STEAP1B: variants seen among roughly 807,000 people sequenced by gnomAD.
STEAP1B encodes the protein STEAP family member 1B.
A neutral mutation model predicts 27.9 loss-of-function variants in STEAP1B; 13 were observed. The observed-to-expected ratio is 0.47, with a 90% CI of 0.30 to 0.74. STEAP1B has a LOEUF of 0.74. Among genes scored for constraint, STEAP1B ranks in the 30% least tolerant of loss-of-function variants. The pLI, the probability that STEAP1B is intolerant of heterozygous loss-of-function variation, is 0.06. For missense variants in STEAP1B, 250 were observed against 298.7 expected, an observed-to-expected ratio of 0.84 and a Z score of 1.20; for synonymous variants, 86 against 107.1, an observed-to-expected ratio of 0.80 and a Z score of 1.22.
In STEAP1B at chr7:22,468,547, C is replaced by T. The variant is rs75923224; in HGVS notation, c.762+24018G>A. ...ACACTGCCTACCATTTATCACCTATCAAAACACTTTTGGAAGTGTTTTGAT... is the reference window on the plus strand; with the variant it reads ...ACACTGCCTACCATTTATCACCTATTAAAACACTTTTGGAAGTGTTTTGAT... On this transcript the variant is annotated intron_variant, in intron 4 of 4. Transcript: ENST00000678116. Among the ~76,000 whole-genome samples the T allele has an allele frequency of 3.9e-3, 587 of 152,272 alleles. 4 individuals carry two copies. Among genetic ancestry groups the T allele is most frequent in the African/African-American group, 0.014 (566 of 41,544 alleles).
chr7:22,451,407 G>T (rs1028923800), intron 4 of STEAP1B, among the ~76,000 whole-genome samples: 2 of 152,008 alleles, frequency 1.3e-5, no homozygotes, highest in Admixed American at 6.6e-5. Context: ...TTCTTTATCC[G>T]ATTGCTCTAG....
chr7:22,497,586 AAG>A (rs1317273294), intron 1 of STEAP1B, among the ~76,000 whole-genome samples: 25 of 152,200 alleles, frequency 1.6e-4, no homozygotes, highest in African/African-American at 6.0e-4. Context: ...ACCAACATTA[AAG>A]AGGAAAAATA....
At chr7:22,449,441 C>T (rs1785453384) in intron 4 of STEAP1B, among the ~76,000 whole-genome samples, 1 of 152,184 alleles carries the variant, frequency 6.6e-6, no homozygotes, top group African/African-American at 2.4e-5. Flanking sequence ...ATAATGATCT[C>T]CAGTTACATT....
In STEAP1B at chr7:22,420,709, G is replaced by A. The variant is rs551320910; in HGVS notation, c.763-873C>T. Among the ~76,000 whole-genome samples, 5 of 152,366 alleles carry A rather than the reference G, an allele frequency of 3.3e-5. No individual in the cohort carries two copies. In the East Asian group the frequency reaches 7.7e-4, roughly 23 times the overall value. Reference sequence around the variant, plus strand: ...AGGACTTGAGAGCTTCTCTGAGAAGGAGGGCTCTGCCTCAACCCTTTTTAA... The same window carrying A: ...AGGACTTGAGAGCTTCTCTGAGAAGAAGGGCTCTGCCTCAACCCTTTTTAA... On this transcript the variant is annotated intron_variant, in intron 4 of 4. Coordinates refer to ENST00000678116, the MANE Select transcript of STEAP1B (RefSeq NM_001382447.1).
Position 22,456,972 on chromosome 7 carries a change from A to ATATATATATAT in STEAP1B, c.762+35592_762+35593insATATATATATA. 3.6e-3 allele frequency among the ~76,000 whole-genome samples: 206 copies of ATATATATATAT among 57,054 alleles called. 19 individuals are homozygous for ATATATATATAT. The highest frequency in any genetic ancestry group is 0.014 in the African/African-American group (204 of 14,252). 37.4% of individuals were successfully genotyped at this position (57,054 alleles called of 152,430 possible). On this transcript the variant is annotated intron_variant, in intron 4 of 4. Coordinates refer to ENST00000678116, the MANE Select transcript of STEAP1B (RefSeq NM_001382447.1). ...GGCAGCTATATATATATATATATATATTTTTTTTTTTTTTAAGTATCCTGG... is the reference window on the plus strand; with the variant it reads ...GGCAGCTATATATATATATATATATATATATATATATTTTTTTTTTTTTTTAAGTATCCTGG...
intron 4 of STEAP1B, among the ~76,000 whole-genome samples, chr7:22,480,889 G>A (rs976933872): frequency 5.9e-5 from 9 of 152,204 alleles, no homozygotes; most frequent in Non-Finnish European, 1.3e-4. Context: ...CCTGGCGCAG[G>A]TCCAGCTCTC....
At chr7:22,453,389 C>T (rs1421238306) in intron 4 of STEAP1B, among the ~76,000 whole-genome samples, 2 of 116,218 alleles carry the variant, frequency 1.7e-5, no homozygotes, top group Non-Finnish European at 3.5e-5. Context: ...CAGCATTTCC[C>T]CCTGAACTCT....
chr7:22,473,092 GGAAA>G (rs1785912516), intron 4 of STEAP1B, among the ~76,000 whole-genome samples: 1 of 152,084 alleles, frequency 6.6e-6, no homozygotes, highest in Non-Finnish European at 1.5e-5. Flanking sequence ...GTGGAATTGA[GGAAA>G]GAAAGATGAA....
At chr7:22,470,411 T>A (rs953270709) in intron 4 of STEAP1B, among the ~76,000 whole-genome samples, 2 of 152,210 alleles carry the variant, frequency 1.3e-5, no homozygotes, top group African/African-American at 4.8e-5. Flanking sequence ...TTTATTCAAA[T>A]GAGGGAGAAT....
intron 4 of STEAP1B, among the ~76,000 whole-genome samples, chr7:22,456,972 A>ATATATATATATATAT: frequency 2.1e-4 from 12 of 57,082 alleles, no homozygotes; most frequent in African/African-American, 7.7e-4. Context: ...ATATATATAT[A>ATATATATATATATAT]TTTTTTTTTT....
chr7:22,451,182 G>T (rs1459641805), intron 4 of STEAP1B, among the ~76,000 whole-genome samples: 1 of 132,532 alleles, frequency 7.5e-6, no homozygotes, highest in Non-Finnish European at 1.6e-5. Flanking sequence ...GGGCGACAGA[G>T]ATTCTGTCTC....
chr7:22,448,270 T>C (rs1370771097), intron 4 of STEAP1B, among the ~76,000 whole-genome samples: 1 of 152,242 alleles, frequency 6.6e-6, no homozygotes, highest in African/African-American at 2.4e-5. Context: ...TGTTAATGAA[T>C]GCATTTCTAT....
Position 22,492,741 on chromosome 7 carries a change from T to C in STEAP1B, c.598-12A>G. The C allele has an allele frequency of 6.3e-7, 1 of 1,577,108 alleles. No individual in the cohort carries two copies. The highest frequency in any genetic ancestry group is 1.4e-5 in the African/African-American group (1 of 73,132). On this transcript the variant is annotated splice_polypyrimidine_tract_variant and intron_variant, in intron 3 of 4. Coordinates refer to ENST00000678116, the MANE Select transcript of STEAP1B (RefSeq NM_001382447.1). ...TTATTTTGTTGGACCTACCAGAAGG[T>C]AAATAAAGAAAGAAGAAATGCAAAC... is the stretch of plus-strand genomic sequence containing the variant.
At chr7:22,433,968 C>A (rs995295363) in intron 4 of STEAP1B, among the ~76,000 whole-genome samples, 1 of 152,190 alleles carries the variant, frequency 6.6e-6, no homozygotes, top group Non-Finnish European at 1.5e-5. Flanking sequence ...ATCCATTGGA[C>A]CCATCCTGAC....
At chr7:22,470,104 T>C (rs1256105537) in intron 4 of STEAP1B, among the ~76,000 whole-genome samples, 1 of 152,194 alleles carries the variant, frequency 6.6e-6, no homozygotes. Flanking sequence ...TGCCCATATC[T>C]TGGTTTCTAA....
chr7:22,456,972 A>ATATATATATATATATATATATTTT, intron 4 of STEAP1B, among the ~76,000 whole-genome samples: 1 of 57,046 alleles, frequency 1.8e-5, no homozygotes, highest in South Asian at 1.0e-3. Context: ...ATATATATAT[A>ATATATATATATATATATATATTTT]TTTTTTTTTT....
chr7:22,460,392 G>C (rs1489765331), intron 4 of STEAP1B, among the ~76,000 whole-genome samples: 1 of 152,008 alleles, frequency 6.6e-6, no homozygotes, highest in Non-Finnish European at 1.5e-5. Flanking sequence ...GGGACTGAGG[G>C]AGAGCATTCA....
chr7:22,462,396 A>C lies in STEAP1B; in HGVS notation c.762+30169T>G, dbSNP rs1438317012. 1.2e-3 allele frequency among the ~76,000 whole-genome samples: 128 copies of C among 103,152 alleles called. 1 individual carries two copies. Among genetic ancestry groups the C allele is most frequent in the African/African-American group, 4.4e-3 (117 of 26,432 alleles). 67.7% of individuals were successfully genotyped at this position (103,152 alleles called of 152,430 possible). A position where few individuals can be genotyped will look rare whatever the true frequency, so the allele number is the denominator to read the frequency against. On this transcript the variant is annotated intron_variant, in intron 4 of 4. Coordinates refer to ENST00000678116, the MANE Select transcript of STEAP1B (RefSeq NM_001382447.1). ...TCCCTCCCCCCTCCCCCCACCCCAC[A>C]ACAGTCCCCAGAGTGTGATGTTCCC...
intron 4 of STEAP1B, among the ~76,000 whole-genome samples, chr7:22,454,449 A>T (rs1024789694): frequency 6.6e-6 from 1 of 152,142 alleles, no homozygotes; most frequent in Non-Finnish European, 1.5e-5. Context: ...TGCCAGAGAC[A>T]GCTCTTCAGA....
Sources: gnomAD v4.1 joint callset for allele counts (sites outside exome capture counted in the v4.1 genomes callset) on GRCh38, gnomAD v4.1.1 for gene constraint, MANE v1.5 for transcripts, NCBI Gene and HGNC (gene_info 2026-07-23, HGNC 2026-07-21) for gene names.